Variants in CTNNA3 observed in about 807,000 individuals in gnomAD.
CTNNA3 encodes the protein catenin alpha 3.
In CTNNA3, 76 loss-of-function variants were observed where a neutral mutation model predicts 95.7. The ratio of observed to expected loss-of-function variants is 0.79; its 90% CI spans 0.66 to 0.96. The LOEUF is 0.96. CTNNA3 is among the 40% of genes least tolerant of loss of function. The pLI, the probability that CTNNA3 is intolerant of heterozygous loss-of-function variation, is 0.00. For missense variants in CTNNA3, 1,191 were observed against 1,089.8 expected, an observed-to-expected ratio of 1.09 and a Z score of -1.31; for synonymous variants, 431 against 374.4, an observed-to-expected ratio of 1.15 and a Z score of -1.74.
At chr10:66,055,687 G>A (rs924039744) in intron 15 of CTNNA3, among the ~76,000 whole-genome samples, 1 of 152,082 alleles carries the variant, frequency 6.6e-6, no homozygotes, top group South Asian at 2.1e-4. Context: ...ACTTCGGGAG[G>A]CCGAGGCAGG....
chr10:66,049,534 A>C (rs1040535320), intron 15 of CTNNA3, among the ~76,000 whole-genome samples: 1 of 152,234 alleles, frequency 6.6e-6, no homozygotes, highest in Non-Finnish European at 1.5e-5. Flanking sequence ...CATGGCATGG[A>C]ATCAACCTAA....
At chr10:66,484,634 A>G (rs1839662608) in intron 11 of CTNNA3, among the ~76,000 whole-genome samples, 1 of 151,998 alleles carries the variant, frequency 6.6e-6, no homozygotes, top group African/African-American at 2.4e-5. Flanking sequence ...ATAAAACCTG[A>G]GTGATAGTGA....
chr10:67,020,824 T>C (rs1852961171), intron 7 of CTNNA3, among the ~76,000 whole-genome samples: 1 of 152,020 alleles, frequency 6.6e-6, no homozygotes, highest in Non-Finnish European at 1.5e-5. Flanking sequence ...ATTAGTAGGG[T>C]TGGAACAGAG....
intron 7 of CTNNA3, among the ~76,000 whole-genome samples, chr10:66,805,280 T>C (rs1841594087): frequency 6.6e-6 from 1 of 151,898 alleles, no homozygotes; most frequent in African/African-American, 2.4e-5. Context: ...TGTACAACTA[T>C]ATGCTGAGTC....
chr10:66,391,321 AAAAG>A (rs1415403318), intron 11 of CTNNA3, among the ~76,000 whole-genome samples: 1 of 152,148 alleles, frequency 6.6e-6, no homozygotes, highest in Non-Finnish European at 1.5e-5. Context: ...CACACGAAAA[AAAAG>A]AAAGTCATTG....
At chr10:66,688,101 C>T (rs952405653) in intron 9 of CTNNA3, among the ~76,000 whole-genome samples, 1 of 151,960 alleles carries the variant, frequency 6.6e-6, no homozygotes, top group Non-Finnish European at 1.5e-5. Flanking sequence ...GATTCCTACC[C>T]TTGCATTTTG....
At chr10:67,735,160 C>A (rs1044284365) in intron 1 of CTNNA3, among the ~76,000 whole-genome samples, 1 of 151,704 alleles carries the variant, frequency 6.6e-6, no homozygotes, top group African/African-American at 2.4e-5. Context: ...CACACACACA[C>A]ACACACACAC....
At chr10:67,740,334 T>C (rs1589586333) in intron 1 of CTNNA3, among the ~76,000 whole-genome samples, 2 of 152,030 alleles carry the variant, frequency 1.3e-5, no homozygotes, top group Middle Eastern at 3.4e-3. Context: ...CAAGAGCTTC[T>C]GCACAGCAAA....
chr10:66,162,831 G>C (rs1056940525), intron 13 of CTNNA3, among the ~76,000 whole-genome samples: 1 of 151,772 alleles, frequency 6.6e-6, no homozygotes, highest in Non-Finnish European at 1.5e-5. Context: ...ACCATCAGGT[G>C]GGGGCAGGGC....
At chr10:67,174,384 G>A (rs1862147416) in intron 7 of CTNNA3, among the ~76,000 whole-genome samples, 1 of 152,062 alleles carries the variant, frequency 6.6e-6, no homozygotes, top group Non-Finnish European at 1.5e-5. Context: ...AATGAGCACT[G>A]CACAAGCTCC....
chr10:67,320,552 C>T (rs1016180116), intron 5 of CTNNA3, among the ~76,000 whole-genome samples: 2 of 152,128 alleles, frequency 1.3e-5, no homozygotes, highest in Admixed American at 1.3e-4. Context: ...CACTTGTAGA[C>T]AAAATGCTCA....
Position 65,920,148 on chromosome 10 carries a change from G to A in CTNNA3, c.*182C>T. The A allele has an allele frequency of 5.0e-6, 3 of 600,248 alleles. No homozygotes were observed. Among genetic ancestry groups the A allele is most frequent in the Non-Finnish European group, 5.9e-6 (2 of 339,252 alleles). The allele number at this position is 600,248 out of a possible 1,614,324, so 37.2% of individuals were successfully genotyped here. The stretch of plus-strand genomic sequence containing the variant: ...TTAACTATTAGGTGCTGACCATACA[G>A]AAATGACAGTGATATGATCCCAAAT... On this transcript the variant is annotated 3_prime_UTR_variant, in exon 18 of 18. Coordinates refer to ENST00000433211, the MANE Select transcript of CTNNA3 (RefSeq NM_013266.4).
chr10:66,118,188 C>G (rs376872724), intron 13 of CTNNA3: 4 of 152,154 alleles, frequency 2.6e-5, no homozygotes, highest in Non-Finnish European at 5.9e-5. Flanking sequence ...GTAATAAGTA[C>G]AGGTGGCATC....
intron 9 of CTNNA3, among the ~76,000 whole-genome samples, chr10:66,753,498 A>T (rs1326425129): frequency 1.3e-5 from 2 of 151,978 alleles, no homozygotes; most frequent in Non-Finnish European, 2.9e-5. Context: ...CCCTGTCTCT[A>T]CGAAAAACAC....
chr10:67,031,976 T>G (rs1353430812), intron 7 of CTNNA3, among the ~76,000 whole-genome samples: 1 of 152,206 alleles, frequency 6.6e-6, no homozygotes, highest in African/African-American at 2.4e-5. Context: ...ATTCTAGAAA[T>G]CTGAGTTCTA....
At chr10:67,498,744 T>C (rs1484623153) in intron 5 of CTNNA3, among the ~76,000 whole-genome samples, 1 of 152,184 alleles carries the variant, frequency 6.6e-6, no homozygotes, top group African/African-American at 2.4e-5. Context: ...TTGCCTATTA[T>C]TGGCATATAG....
intron 17 of CTNNA3, among the ~76,000 whole-genome samples, chr10:65,925,993 TAATC>T (rs2077163355): frequency 6.6e-6 from 1 of 150,626 alleles, no homozygotes; most frequent in African/African-American, 2.4e-5. Context: ...ATAGGATATA[TAATC>T]AGACATCTTA....
intron 12 of CTNNA3, among the ~76,000 whole-genome samples, chr10:66,378,538 T>C (rs2092811742): frequency 6.6e-6 from 1 of 152,184 alleles, no homozygotes; most frequent in Admixed American, 6.5e-5. Flanking sequence ...TGGAGAAAGG[T>C]TAACAATAGT....
At chr10:66,577,757 A>G (rs1352700491) in intron 10 of CTNNA3, among the ~76,000 whole-genome samples, 2 of 152,016 alleles carry the variant, frequency 1.3e-5, no homozygotes, top group Middle Eastern at 3.2e-3. Context: ...AGGTAGTGTA[A>G]CGCCTCTGGC....
Sources: gnomAD v4.1 joint callset for allele counts (sites outside exome capture counted in the v4.1 genomes callset) on GRCh38, gnomAD v4.1.1 for gene constraint, MANE v1.5 for transcripts, NCBI Gene and HGNC (gene_info 2026-07-23, HGNC 2026-07-21) for gene names.